The following PLEKHA7 variants were observed in gnomAD, a reference collection of about 807,000 sequenced individuals.
PLEKHA7 encodes the protein pleckstrin homology domain-containing family A member 7.
Under a neutral mutation model 170.0 loss-of-function variants are expected in PLEKHA7, and 104 were observed. The observed-to-expected ratio is 0.61, with a 90% CI of 0.52 to 0.72. The LOEUF (loss-of-function observed/expected upper bound fraction) is 0.72. Among genes scored for constraint, PLEKHA7 ranks in the 30% least tolerant of loss-of-function variants. PLEKHA7 has a pLI of 0.00. For missense variants in PLEKHA7, 1,615 were observed against 1,671.7 expected, an observed-to-expected ratio of 0.97 and a Z score of 0.59; for synonymous variants, 648 against 660.8, an observed-to-expected ratio of 0.98 and a Z score of 0.30.
At chr11:16,896,210 T>G (rs1021975936) in intron 3 of PLEKHA7, among the ~76,000 whole-genome samples, 11 of 152,240 alleles carry the variant, frequency 7.2e-5, no homozygotes, top group African/African-American at 2.4e-4. Flanking sequence ...TAAATCAACA[T>G]ATTCCAAAGT....
At chr11:16,889,834 C>T (rs1856500398) in intron 3 of PLEKHA7, among the ~76,000 whole-genome samples, 1 of 152,116 alleles carries the variant, frequency 6.6e-6, no homozygotes, top group East Asian at 1.9e-4. Flanking sequence ...AGAAGAATCT[C>T]ACCAAGGCAT....
intron 3 of PLEKHA7, among the ~76,000 whole-genome samples, chr11:16,951,387 C>A (rs1372705151): frequency 6.6e-6 from 1 of 152,188 alleles, no homozygotes; most frequent in Non-Finnish European, 1.5e-5. Context: ...AAGAAGACAA[C>A]AACAATAACG....
At chr11:16,988,767 T>C (rs1317290379) in intron 3 of PLEKHA7, among the ~76,000 whole-genome samples, 1 of 152,220 alleles carries the variant, frequency 6.6e-6, no homozygotes, top group Admixed American at 6.5e-5. Context: ...TGATTACCTC[T>C]GATGATAGTG....
chr11:16,985,718 A>G (rs1467285978), intron 3 of PLEKHA7, among the ~76,000 whole-genome samples: 1 of 152,272 alleles, frequency 6.6e-6, no homozygotes, highest in Non-Finnish European at 1.5e-5. Context: ...TCAATCAAAC[A>G]TAAAGATAAT....
intron 10 of PLEKHA7, among the ~76,000 whole-genome samples, chr11:16,823,980 T>C (rs1227757891): frequency 2.0e-5 from 3 of 152,156 alleles, no homozygotes; most frequent in Admixed American, 1.3e-4. Flanking sequence ...TGGAGGACAT[T>C]ATGTTAAGTG....
chr11:16,856,747 C>G (rs533105520), intron 4 of PLEKHA7, among the ~76,000 whole-genome samples: 1 of 152,312 alleles, frequency 6.6e-6, no homozygotes, highest in African/African-American at 2.4e-5. Context: ...GGTGACAAAT[C>G]CCTCCACACA....
chr11:16,786,754 T>C, intron 23 of PLEKHA7: 1 of 985,408 alleles, frequency 1.0e-6, no homozygotes, highest in Non-Finnish European at 1.2e-6. Flanking sequence ...TACAGCTGGT[T>C]CAGGAGACAT....
chr11:16,786,173 C>T, intron 24 of PLEKHA7, 56 bp downstream of exon 24: 1 of 1,524,444 alleles, frequency 6.6e-7, no homozygotes, highest in South Asian at 1.2e-5. Flanking sequence ...GTGGATCAGG[C>T]TGGGAACTTG....
intron 10 of PLEKHA7, among the ~76,000 whole-genome samples, chr11:16,818,453 G>C (rs1424332753): frequency 6.6e-6 from 1 of 152,132 alleles, no homozygotes; most frequent in African/African-American, 2.4e-5. Context: ...ATTTACCCAA[G>C]TCTTACTCAT....
intron 7 of PLEKHA7, 140 bp downstream of exon 7, chr11:16,852,143 A>G: frequency 1.5e-6 from 1 of 675,372 alleles, no homozygotes; most frequent in South Asian, 2.2e-5. Context: ...GACCCTTAGT[A>G]GCAGGCAAAC....
chr11:16,918,645 G>A (rs1468119779), intron 3 of PLEKHA7, among the ~76,000 whole-genome samples: 1 of 152,182 alleles, frequency 6.6e-6, no homozygotes, highest in East Asian at 1.9e-4. Flanking sequence ...AGCTGGCCAG[G>A]CAGGTGAATC....
chr11:16,943,127 A>T (rs556305779), intron 3 of PLEKHA7, among the ~76,000 whole-genome samples: 1 of 152,364 alleles, frequency 6.6e-6, no homozygotes, highest in African/African-American at 2.4e-5. Context: ...CAAGCCACAT[A>T]CGCAATTTCG....
chr11:16,968,743 T>A (rs6486330), intron 3 of PLEKHA7, among the ~76,000 whole-genome samples: 1 of 151,994 alleles, frequency 6.6e-6, no homozygotes, highest in Non-Finnish European at 1.5e-5. Flanking sequence ...AGCGCTTGCA[T>A]GCAATGGCTG....
chr11:16,858,361 G>C (rs936715038), intron 4 of PLEKHA7, among the ~76,000 whole-genome samples: 3 of 152,100 alleles, frequency 2.0e-5, no homozygotes, highest in Non-Finnish European at 4.4e-5. Flanking sequence ...ACTGCATCAC[G>C]TTCCATCAAC....
rs1421715053 is a variant in PLEKHA7, at chr11:16,945,594, G to A, written c.221+68395C>T. ...GGCAGAGAAGGAGGGCTAGATCACTGGATTTTATCAGCCAGGCAAATAGAA... is the reference window on the plus strand; with the variant it reads ...GGCAGAGAAGGAGGGCTAGATCACTAGATTTTATCAGCCAGGCAAATAGAA... On this transcript the variant is annotated intron_variant, in intron 3 of 26. Transcript: ENST00000531066. Among the ~76,000 whole-genome samples, 4 of 152,214 alleles carry A rather than the reference G, an allele frequency of 2.6e-5. No individual in the cohort carries two copies. The East Asian group carries it at 5.8e-4, about 22-fold the overall frequency.
chr11:16,810,852 C>A (rs1208013608), intron 13 of PLEKHA7, among the ~76,000 whole-genome samples: 4 of 152,188 alleles, frequency 2.6e-5, no homozygotes, highest in Non-Finnish European at 5.9e-5. Context: ...GAGAGCCGCA[C>A]CCAAATACTG....
chr11:16,826,179 C>T lies in PLEKHA7; in HGVS notation c.1284G>A (p.Arg428=), dbSNP rs61751349. Reference sequence around the variant, plus strand: ...GCTCCACCTGGGCCAGATTGCTCTTCCTTTGGCTGTGTTTTTCAGGGTTGG... The same window carrying T: ...GCTCCACCTGGGCCAGATTGCTCTTTCTTTGGCTGTGTTTTTCAGGGTTGG... ...PRTNPEKHSQ[R]KSNLAQVEHW... The change falls in exon 10 of 27, where the codon AGG becomes AGA. Residue 428 remains arginine, a synonymous_variant. Coordinates refer to ENST00000531066, the MANE Select transcript of PLEKHA7 (RefSeq NM_001329630.2). 0.034 allele frequency: 54,129 copies of T among 1,614,214 alleles called. 1,218 individuals are homozygous for T. Among genetic ancestry groups the T allele is most frequent in the South Asian group, 0.082 (7,508 of 91,072 alleles).
intron 9 of PLEKHA7, among the ~76,000 whole-genome samples, chr11:16,833,604 T>G (rs1851290162): frequency 6.6e-6 from 1 of 152,186 alleles, no homozygotes; most frequent in African/African-American, 2.4e-5. Flanking sequence ...GCTTGGTTAT[T>G]GTTACCATAT....
chr11:16,797,158 A>G (rs902784511), intron 17 of PLEKHA7, among the ~76,000 whole-genome samples: 3 of 152,218 alleles, frequency 2.0e-5, no homozygotes, highest in African/African-American at 4.8e-5. Flanking sequence ...TCGAATGGGA[A>G]GAGGATCTAA....
Sources: allele counts gnomAD v4.1 joint callset (sites outside exome capture counted in the v4.1 genomes callset), GRCh38; gene constraint gnomAD v4.1.1; transcripts MANE v1.5; gene names NCBI Gene and HGNC (gene_info 2026-07-23, HGNC 2026-07-21).